The following RFTN1 variants were observed in gnomAD, a reference collection of about 807,000 sequenced individuals.
The protein encoded by RFTN1 is raftlin, lipid raft linker 1.
RFTN1 carries 26 observed loss-of-function variants against 46.5 expected under a neutral mutation model. That is an observed-to-expected ratio of 0.56 (90% CI 0.41 to 0.78). The LOEUF (loss-of-function observed/expected upper bound fraction) is 0.78. Among genes scored for constraint, RFTN1 ranks in the 30% least tolerant of loss-of-function variants. The pLI, the probability that RFTN1 is intolerant of heterozygous loss-of-function variation, is 0.00. For missense variants in RFTN1, 693 were observed against 718.7 expected, an observed-to-expected ratio of 0.96 and a Z score of 0.41; for synonymous variants, 261 against 284.2, an observed-to-expected ratio of 0.92 and a Z score of 0.82.
rs1381797327 is a variant in RFTN1 at position 16,402,062 on chromosome 3, C to G, written c.441+7313G>C. ...CTTCTGGAATGTTCCCTGAGTGTCC[C>G]CCTGACCCCTCAAGTCTTCATACAA... On this transcript the variant is annotated intron_variant, in intron 4 of 9. Transcript: ENST00000334133. The surrounding 1 kb of genome is among the most constrained non-coding windows in gnomAD (Gnocchi z 4.5). Among the ~76,000 whole-genome samples, 6 of 152,138 alleles carry G rather than the reference C, an allele frequency of 3.9e-5. No homozygotes were observed. The highest frequency in any genetic ancestry group is 8.8e-5 in the Non-Finnish European group (6 of 68,002).
rs531405457 is a variant in RFTN1, at chr3:16,475,915, C to G, written c.145+17810G>C. 2.0e-5 allele frequency among the ~76,000 whole-genome samples: 3 copies of G among 152,320 alleles called. No homozygotes were observed. The East Asian group carries it at 5.8e-4, about 29-fold the overall frequency. On this transcript the variant is annotated intron_variant, in intron 2 of 9. Transcript: ENST00000334133. This position sits in a 1 kb window ranked among gnomAD's most constrained non-coding sequence, Gnocchi z 4.2. ...ATTTATGCCACCCAGAGACAGACAC[C>G]ATGCCAACTGGGACTTTTTGTCTTC...
In RFTN1 at chr3:16,387,633, T is replaced by G. The variant is rs1218144204; in HGVS notation, c.442-9531A>C. Among the ~76,000 whole-genome samples, 1 of 141,028 alleles carries G rather than the reference T, an allele frequency of 7.1e-6. No individual in the cohort carries two copies. The highest frequency in any genetic ancestry group is 1.5e-5 in the Non-Finnish European group (1 of 65,322). The allele number at this position is 141,028 out of a possible 152,430, so 92.5% of individuals were successfully genotyped here. ...CTCTACTGGCTCCTTCCACTCAGCA[T>G]ACAACTAAATTCAAGTTATCTTTTT... is the stretch of plus-strand genomic sequence containing the variant. On this transcript the variant is annotated intron_variant, in intron 4 of 9. Coordinates refer to ENST00000334133, the MANE Select transcript of RFTN1 (RefSeq NM_015150.2). The surrounding 1 kb of genome is among the most constrained non-coding windows in gnomAD (Gnocchi z 5.2).
At chr3:16,438,477 C>A (rs558922313) in intron 2 of RFTN1, among the ~76,000 whole-genome samples, 1 of 148,254 alleles carries the variant, frequency 6.7e-6, no homozygotes, top group East Asian at 2.0e-4. Flanking sequence ...CCCAGCTACT[C>A]AGGGGGCTGA....
chr3:16,486,778 G>A (rs559978019), intron 2 of RFTN1, among the ~76,000 whole-genome samples: 35 of 152,356 alleles, frequency 2.3e-4, no homozygotes, highest in African/African-American at 8.4e-4. Context: ...ATAGTCTGGT[G>A]CTATGGACTG....
In RFTN1 at chr3:16,346,425, A is replaced by C. The variant is rs2071722599; in HGVS notation, c.1146+11507T>G. 6.6e-6 allele frequency: 1 copy of C among 152,266 alleles called. No homozygotes were observed. The allele number at this position is 152,266 out of a possible 1,614,324, so 9.4% of individuals were successfully genotyped here. On this transcript the variant is annotated intron_variant, in intron 7 of 9. Coordinates refer to ENST00000334133, the MANE Select transcript of RFTN1 (RefSeq NM_015150.2). The surrounding 1 kb of genome is among the most constrained non-coding windows in gnomAD (Gnocchi z 4.4). ...GAAGAAAAAAGTGCAGATAAAGATTAAAGGTCAAATACTTCCTTTTGTCAT... is the reference window on the plus strand; with the variant it reads ...GAAGAAAAAAGTGCAGATAAAGATTCAAGGTCAAATACTTCCTTTTGTCAT...
rs561699583 is a variant in RFTN1 at position 16,322,884 on chromosome 3, A to G, written c.1332+492T>C. 7.7e-4 allele frequency among the ~76,000 whole-genome samples: 117 copies of G among 152,272 alleles called. 2 individuals are homozygous for G. Among genetic ancestry groups the G allele is most frequent in the South Asian group, 6.6e-3 (32 of 4,820 alleles). On this transcript the variant is annotated intron_variant, in intron 9 of 9. Coordinates refer to ENST00000334133, the MANE Select transcript of RFTN1 (RefSeq NM_015150.2). The surrounding 1 kb of genome is among the most constrained non-coding windows in gnomAD (Gnocchi z 6.2). ...GCTAGCATCACCAGCTGTCACACAG[A>G]GGCCTTTGGGTCTAGGCCTGTCATG... is the stretch of plus-strand genomic sequence containing the variant.
intron 7 of RFTN1, among the ~76,000 whole-genome samples, chr3:16,331,680 C>A (rs555284239): frequency 6.6e-6 from 1 of 152,226 alleles, no homozygotes; most frequent in Non-Finnish European, 1.5e-5. Flanking sequence ...GACATCATTT[C>A]TGAAACTTTG....
chr3:16,493,662 T>G, intron 2 of RFTN1, 63 bp downstream of exon 2: 4 of 584,292 alleles, frequency 6.8e-6, no homozygotes, highest in Non-Finnish European at 5.7e-6. Flanking sequence ...TGCACCCCCA[T>G]CCCCTGCAGG....
rs979017395 is a variant in RFTN1, at chr3:16,329,859, T to G, written c.1147-2983A>C. ...CCTCACAAAGCCCTGAGTGGCAGAA[T>G]GGAGTCCTTTTATTGGTGGCTGCAT... On this transcript the variant is annotated intron_variant, in intron 7 of 9. Coordinates refer to ENST00000334133, the MANE Select transcript of RFTN1 (RefSeq NM_015150.2). This position sits in a 1 kb window ranked among gnomAD's most constrained non-coding sequence, Gnocchi z 4.5. 3.9e-5 allele frequency among the ~76,000 whole-genome samples: 6 copies of G among 152,124 alleles called. No homozygotes were observed. Among genetic ancestry groups the G allele is most frequent in the Non-Finnish European group, 5.9e-5 (4 of 68,018 alleles).
chr3:16,423,908 T>C (rs73144375), intron 3 of RFTN1, among the ~76,000 whole-genome samples: 26,079 of 152,142 alleles, frequency 0.17, 2,356 homozygotes, highest in Admixed American at 0.22. Context: ...TTTTATTTTG[T>C]TTTTAGGGAG....
rs2076226170 is a variant in RFTN1 at position 16,473,229 on chromosome 3, CA to C, written c.145+20495del. ...TGACCACAGTATACCACCTCCACCCCAATACTGGGCCAGACTCCATGATACC... is the reference window on the plus strand; with the variant it reads ...TGACCACAGTATACCACCTCCACCCCATACTGGGCCAGACTCCATGATACC... On this transcript the variant is annotated intron_variant, in intron 2 of 9. Coordinates refer to ENST00000334133, the MANE Select transcript of RFTN1 (RefSeq NM_015150.2). This position sits in a 1 kb window ranked among gnomAD's most constrained non-coding sequence, Gnocchi z 5.3. Among the ~76,000 whole-genome samples the C allele has an allele frequency of 1.3e-5, 2 of 152,264 alleles. No homozygotes were observed. The highest frequency in any genetic ancestry group is 1.3e-4 in the Admixed American group (2 of 15,292).
intron 1 of RFTN1, among the ~76,000 whole-genome samples, chr3:16,494,657 G>A (rs1424223513): frequency 1.3e-5 from 2 of 152,226 alleles, no homozygotes; most frequent in African/African-American, 4.8e-5. Context: ...ACATTAAGGT[G>A]AGCTGAGCTT....
chr3:16,495,891 G>A (rs1386355677), intron 1 of RFTN1, among the ~76,000 whole-genome samples: 1 of 152,224 alleles, frequency 6.6e-6, no homozygotes, highest in Non-Finnish European at 1.5e-5. Context: ...ACTGTATGTG[G>A]CAGTGCTGCT....
chr3:16,406,447 C>T (rs968009317), intron 4 of RFTN1, among the ~76,000 whole-genome samples: 2 of 152,080 alleles, frequency 1.3e-5, no homozygotes, highest in African/African-American at 4.8e-5. Flanking sequence ...CAGGAATGAC[C>T]GTAAGCCACA....
rs567795157 is a variant in RFTN1 at position 16,387,916 on chromosome 3, C to T, written c.442-9814G>A. Among the ~76,000 whole-genome samples, 5 of 152,304 alleles carry T rather than the reference C, an allele frequency of 3.3e-5. No homozygotes were observed. Among genetic ancestry groups the T allele is most frequent in the African/African-American group, 1.2e-4 (5 of 41,550 alleles). ...ATGCTCTTCCTTGGCCTCACCACCA[C>T]CTTTCTGCTGGTTTTCTTCCTGCAT... On this transcript the variant is annotated intron_variant, in intron 4 of 9. Transcript: ENST00000334133. The surrounding 1 kb of genome is among the most constrained non-coding windows in gnomAD (Gnocchi z 5.2).
rs373038911 is a variant in RFTN1 at position 16,376,463 on chromosome 3, C to T, written c.826+1255G>A. The stretch of plus-strand genomic sequence containing the variant: ...GAAGGACTCCAGTGAGGTCCATCTT[C>T]CTGCCCAGGATTCAGAGCACACACA... On this transcript the variant is annotated intron_variant, in intron 5 of 9. Transcript: ENST00000334133. This position sits in a 1 kb window ranked among gnomAD's most constrained non-coding sequence, Gnocchi z 4.7. Among the ~76,000 whole-genome samples, 3 of 152,176 alleles carry T rather than the reference C, an allele frequency of 2.0e-5. No individual in the cohort carries two copies. In the East Asian group the frequency reaches 5.8e-4, roughly 29 times the overall value.
rs73022288 is a variant in RFTN1, at chr3:16,440,690, G to C, written c.146-6653C>G. Among the ~76,000 whole-genome samples, 57 of 152,046 alleles carry C rather than the reference G, an allele frequency of 3.7e-4. No homozygotes were observed. In the East Asian group the frequency reaches 7.7e-3, roughly 21 times the overall value. On this transcript the variant is annotated intron_variant, in intron 2 of 9. Transcript: ENST00000334133. The surrounding 1 kb of genome is among the most constrained non-coding windows in gnomAD (Gnocchi z 4.6). ...GGGACAAGATGGTTACTGCTAATGG[G>C]GGGGGGGCCCAATGGTGCCAGAACT...
rs912133390 is a variant in RFTN1, at chr3:16,346,272, C to T, written c.1146+11660G>A. On this transcript the variant is annotated intron_variant, in intron 7 of 9. Transcript: ENST00000334133. This position sits in a 1 kb window ranked among gnomAD's most constrained non-coding sequence, Gnocchi z 4.4. ...TTCATCATGCTCTCACAGTGGCTGA[C>T]ACACAGTAGGAACTCAATATTTATT... 1.2e-4 allele frequency: 19 copies of T among 152,298 alleles called. No homozygotes were observed. The highest frequency in any genetic ancestry group is 4.3e-4 in the African/African-American group (18 of 41,562). 9.4% of individuals were successfully genotyped at this position (152,298 alleles called of 1,614,324 possible). A position where few individuals can be genotyped will look rare whatever the true frequency, so the allele number is the denominator to read the frequency against.
Position 16,447,777 on chromosome 3 carries a change from G to A in RFTN1, c.146-13740C>T, listed in dbSNP as rs1219829720. ...GAAAAATACGATCTATCCACCGTTG[G>A]CACAAGAAGGGAAAGATGGATTTTT... On this transcript the variant is annotated intron_variant, in intron 2 of 9. Transcript: ENST00000334133. The surrounding 1 kb of genome is among the most constrained non-coding windows in gnomAD (Gnocchi z 5.9). Among the ~76,000 whole-genome samples the A allele has an allele frequency of 1.3e-5, 2 of 152,160 alleles. No homozygotes were observed. The highest frequency in any genetic ancestry group is 2.9e-5 in the Non-Finnish European group (2 of 68,024).
Sources: allele counts gnomAD v4.1 joint callset (sites outside exome capture counted in the v4.1 genomes callset), GRCh38; gene constraint gnomAD v4.1.1; non-coding constraint Gnocchi (gnomAD v3.1); transcripts MANE v1.5; gene names NCBI Gene and HGNC (gene_info 2026-07-23, HGNC 2026-07-21).